Variants in DLGAP1 observed in about 807,000 individuals in gnomAD.
The protein encoded by DLGAP1 is DLG associated protein 1, also known as disks large-associated protein 1.
In DLGAP1, 11 loss-of-function variants were observed where a neutral mutation model predicts 90.8. That is an observed-to-expected ratio of 0.12 (90% confidence interval 0.08 to 0.20). DLGAP1 has a LOEUF of 0.20. Ranked by LOEUF, DLGAP1 falls within the 10% of genes least tolerant of loss-of-function variation. The pLI, the probability that DLGAP1 is intolerant of heterozygous loss-of-function variation, is 1.00. For missense variants in DLGAP1, 1,050 were observed against 1,333.8 expected (o/e 0.79, Z 3.31); for synonymous variants, 558 against 540.7 (o/e 1.03, Z -0.44).
At chr18:4,152,645 G>A (rs1200938340) in intron 1 of DLGAP1, among the ~76,000 whole-genome samples, 2 of 152,072 alleles carry the variant, frequency 1.3e-5, no homozygotes, top group African/African-American at 4.8e-5. Flanking sequence ...TGTTGTGGGT[G>A]GTAAAAGGCA....
chr18:3,783,739 C>A (rs2065312710), intron 5 of DLGAP1, among the ~76,000 whole-genome samples: 1 of 152,124 alleles, frequency 6.6e-6, no homozygotes, highest in African/African-American at 2.4e-5. Flanking sequence ...TTGCATCGTA[C>A]ACTTAAAAAA....
rs188215835 is a variant in DLGAP1, at chr18:4,391,505, T to C, written c.-267+63501A>G. On this transcript the variant is annotated intron_variant, in intron 1 of 12. Transcript: ENST00000315677. ...AAATGCCGAGTAATATTCACCCCAA[T>C]CCATAGCTGGCTGACACCTATTTTC... Among the ~76,000 whole-genome samples, 187 of 152,248 alleles carry C rather than the reference T, an allele frequency of 1.2e-3. 1 individual carries two copies. The highest frequency in any genetic ancestry group is 4.3e-3 in the African/African-American group (180 of 41,548).
intron 7 of DLGAP1, among the ~76,000 whole-genome samples, chr18:3,674,296 A>AAAAAAAAAAAATATATATATAT (rs755076240): frequency 7.8e-6 from 1 of 128,992 alleles, no homozygotes; most frequent in African/African-American, 3.2e-5. Context: ...ATAATATTAA[A>AAAAAAAAAAAATATATATATAT]ATATATATAT....
chr18:3,710,202 C>T (rs1420509101), intron 7 of DLGAP1, among the ~76,000 whole-genome samples: 2 of 152,078 alleles, frequency 1.3e-5, no homozygotes, highest in African/African-American at 4.8e-5. Flanking sequence ...GCTACCAAAA[C>T]GGAACACTTC....
intron 1 of DLGAP1, among the ~76,000 whole-genome samples, chr18:4,282,140 G>A (rs1005648370): frequency 5.3e-5 from 8 of 152,074 alleles, no homozygotes; most frequent in Non-Finnish European, 1.0e-4. Flanking sequence ...CGAGGCGGGC[G>A]GATCACGAGG....
intron 1 of DLGAP1, among the ~76,000 whole-genome samples, chr18:4,290,540 G>A (rs1008653324): frequency 1.3e-5 from 2 of 152,288 alleles, no homozygotes; most frequent in Non-Finnish European, 2.9e-5. Context: ...GAAGGTTCAC[G>A]GTCACTGTCG....
At chr18:3,651,132 G>A (rs1313095795) in intron 7 of DLGAP1, among the ~76,000 whole-genome samples, 1 of 151,158 alleles carries the variant, frequency 6.6e-6, no homozygotes, top group Non-Finnish European at 1.5e-5. Flanking sequence ...AGGCTGAGGT[G>A]GGCGGATCAT....
At chr18:4,019,194 C>G (rs946180249) in intron 2 of DLGAP1, among the ~76,000 whole-genome samples, 1 of 152,150 alleles carries the variant, frequency 6.6e-6, no homozygotes, top group Non-Finnish European at 1.5e-5. Context: ...AGCCAGCCGT[C>G]TAATCACAAA....
intron 7 of DLGAP1, among the ~76,000 whole-genome samples, chr18:3,712,433 A>G (rs1302959679): frequency 6.6e-6 from 1 of 152,200 alleles, no homozygotes; most frequent in Admixed American, 6.5e-5. Flanking sequence ...CCCACTGGAA[A>G]GTCTCACCTG....
At chr18:3,594,098 T>A (rs1240651129) in intron 7 of DLGAP1, 2 of 151,072 alleles carry the variant, frequency 1.3e-5, no homozygotes, top group African/African-American at 2.4e-5. Context: ...AGCCAAACAA[T>A]GCGCAGGCAA....
intron 4 of DLGAP1, among the ~76,000 whole-genome samples, chr18:3,847,245 A>G (rs2069071225): frequency 6.6e-6 from 1 of 152,198 alleles, no homozygotes; most frequent in East Asian, 1.9e-4. Flanking sequence ...ACGTTGTCAT[A>G]TGTTTATAAT....
intron 8 of DLGAP1, among the ~76,000 whole-genome samples, chr18:3,569,986 T>C (rs939833674): frequency 4.6e-5 from 7 of 152,008 alleles, no homozygotes; most frequent in Non-Finnish European, 1.0e-4. Context: ...TTTCTATGGT[T>C]AGATACACAA....
At chr18:4,021,647 GAGTGCA>G (rs1186491815) in intron 2 of DLGAP1, among the ~76,000 whole-genome samples, 1 of 151,848 alleles carries the variant, frequency 6.6e-6, no homozygotes, top group Non-Finnish European at 1.5e-5. Context: ...GCCCAGGCTG[GAGTGCA>G]ATGGCGCGAT....
chr18:3,967,442 A>G (rs1599236719), intron 3 of DLGAP1, among the ~76,000 whole-genome samples: 1 of 152,228 alleles, frequency 6.6e-6, no homozygotes. Flanking sequence ...CTGGGAACTC[A>G]TTAAAAATGC....
At chr18:4,133,277 T>C (rs939589791) in intron 2 of DLGAP1, among the ~76,000 whole-genome samples, 10 of 152,298 alleles carry the variant, frequency 6.6e-5, no homozygotes, top group Middle Eastern at 3.4e-3. Flanking sequence ...ACAGGGCTCA[T>C]GAGTGCCAAC....
chr18:3,895,018 C>T (rs1475054206), intron 3 of DLGAP1, among the ~76,000 whole-genome samples: 1 of 152,100 alleles, frequency 6.6e-6, no homozygotes, highest in Non-Finnish European at 1.5e-5. Context: ...CGAGATGTTG[C>T]CTGTCTCAGC....
intron 2 of DLGAP1, among the ~76,000 whole-genome samples, chr18:4,038,469 G>T (rs559515918): frequency 6.6e-6 from 1 of 151,930 alleles, no homozygotes; most frequent in South Asian, 2.1e-4. Flanking sequence ...AATGAAAACC[G>T]CTTGCAGATA....
At chr18:3,510,933 T>A (rs547501219) in intron 10 of DLGAP1, among the ~76,000 whole-genome samples, 1 of 152,344 alleles carries the variant, frequency 6.6e-6, no homozygotes, top group South Asian at 2.1e-4. Context: ...AGATGTCTTC[T>A]CAAAAGTAAA....
intron 2 of DLGAP1, among the ~76,000 whole-genome samples, chr18:4,035,464 G>A (rs957475527): frequency 3.3e-5 from 5 of 152,106 alleles, no homozygotes; most frequent in African/African-American, 1.2e-4. Context: ...ATGATGTTTT[G>A]GGGATGTTTC....
Sources: gnomAD v4.1 joint callset for allele counts (sites outside exome capture counted in the v4.1 genomes callset) on GRCh38, gnomAD v4.1.1 for gene constraint, MANE v1.5 for transcripts, NCBI Gene and HGNC (gene_info 2026-07-23, HGNC 2026-07-21) for gene names.